The following SMG1 variants were observed in gnomAD, a reference collection of about 807,000 sequenced individuals.
SMG1 encodes serine/threonine-protein kinase SMG1.
A neutral mutation model predicts 419.9 loss-of-function variants in SMG1; 22 were observed. The ratio of observed to expected loss-of-function variants is 0.05; its 90% CI spans 0.04 to 0.07. The LOEUF (loss-of-function observed/expected upper bound fraction) is 0.07. SMG1 is among the 10% of genes least tolerant of loss of function. The probability of loss-of-function intolerance (pLI) is 1.00; values close to 1 mark genes in which losing one functional copy is unlikely to be tolerated. For missense variants in SMG1, 3,185 were observed against 4,342.0 expected, an observed-to-expected ratio of 0.73 and a Z score of 7.49; for synonymous variants, 1,538 against 1,553.5, an observed-to-expected ratio of 0.99 and a Z score of 0.23.
intron 39 of SMG1, among the ~76,000 whole-genome samples, chr16:18,844,008 T>TACACACACACAC (rs71141072): frequency 6.6e-6 from 1 of 150,720 alleles, no homozygotes; most frequent in African/African-American, 2.4e-5. Flanking sequence ...TCTATGATTA[T>TACACACACACAC]ACACACACAC....
chr16:18,837,763 A>T (rs921102327), intron 45 of SMG1, among the ~76,000 whole-genome samples: 4 of 152,204 alleles, frequency 2.6e-5, no homozygotes, highest in African/African-American at 9.7e-5. Flanking sequence ...ACATTTCAAT[A>T]ATTAAGAAAT....
intron 4 of SMG1, among the ~76,000 whole-genome samples, chr16:18,891,691 C>G (rs1358203027): frequency 1.3e-5 from 2 of 152,228 alleles, no homozygotes; most frequent in Non-Finnish European, 2.9e-5. Flanking sequence ...GCCTTGGCCT[C>G]CCAAAATGCT....
In SMG1 at chr16:18,850,264, A is replaced by G. The variant is rs750008580; in HGVS notation, c.5256T>C (p.Phe1752=). ...SLYKLSCSAY[F]TFLKLNAGQI... The stretch of plus-strand genomic sequence containing the variant: ...GACCAGCGTTGAGTTTAAGGAAAGT[A>G]AAGTATGCACTGCAAGAGAGTTTGT... The change falls in exon 34 of 63, where the codon TTT becomes TTC. Residue 1752 remains phenylalanine, a synonymous_variant. Coordinates refer to ENST00000446231, the MANE Select transcript of SMG1 (RefSeq NM_015092.5). 1.2e-6 allele frequency: 2 copies of G among 1,612,360 alleles called. No individual in the cohort carries two copies. The highest frequency in any genetic ancestry group is 2.2e-5 in the East Asian group (1 of 44,852).
Position 18,869,080 on chromosome 16 carries a change from C to T in SMG1, c.2833+24G>A, listed in dbSNP as rs765206348. On this transcript the variant is annotated intron_variant, in intron 20 of 62. Coordinates refer to ENST00000446231, the MANE Select transcript of SMG1 (RefSeq NM_015092.5). ...CTTAATAAGGCTTTGAAAGTATTCA[C>T]ATCACAAAGCTTGAGTGAGTTACCT... The T allele has an allele frequency of 3.2e-6, 5 of 1,577,222 alleles. No individual in the cohort carries two copies. In the Admixed American group the frequency reaches 6.7e-5, roughly 21 times the overall value.
chr16:18,828,638 G>T (rs1016303763), intron 54 of SMG1, among the ~76,000 whole-genome samples: 2 of 152,160 alleles, frequency 1.3e-5, no homozygotes, highest in Non-Finnish European at 2.9e-5. Context: ...AAGGCATCAA[G>T]GAAAGAGAAA....
intron 1 of SMG1, among the ~76,000 whole-genome samples, chr16:18,921,087 G>A (rs1003485961): frequency 1.3e-4 from 19 of 149,596 alleles, no homozygotes; most frequent in African/African-American, 4.7e-4. Context: ...CAAGTGAGCT[G>A]AGATTGTGCC....
chr16:18,849,498 A>G, intron 35 of SMG1, 120 bp from the exon 36 acceptor site: 1 of 942,740 alleles, frequency 1.1e-6, no homozygotes, highest in Non-Finnish European at 1.6e-6. Context: ...GGATTTTAAG[A>G]GTTCAAATTT....
At chr16:18,853,552 T>C in intron 31 of SMG1, 31 bp downstream of exon 31, 1 of 1,474,080 alleles carries the variant, frequency 6.8e-7, no homozygotes, top group Non-Finnish European at 9.0e-7. Flanking sequence ...CTTCTAAAAT[T>C]AATATTCTAA....
intron 1 of SMG1, among the ~76,000 whole-genome samples, chr16:18,897,839 T>C (rs577196606): frequency 6.6e-6 from 1 of 150,774 alleles, no homozygotes; most frequent in East Asian, 2.0e-4. Context: ...TATTATAGCA[T>C]ACGAAAAATC....
In SMG1 at chr16:18,871,441, A is replaced by G. The variant is rs766398549; in HGVS notation, c.2225T>C (p.Met742Thr). ...MTWALEAAVL[M>T]KKSETYAPLF... ...AGGTGCGTATGTTTCAGACTTCTTC[A>G]TTAAAACAGCTGCTTCCAAAGCCCA... Residue 742 changes from methionine (M) to threonine (T), a missense_variant, in exon 16 of 63, where the codon ATG (methionine) becomes ACG (threonine). Met to Thr is a moderately conservative substitution (Grantham distance 81). Coordinates refer to ENST00000446231, the MANE Select transcript of SMG1 (RefSeq NM_015092.5). 1.2e-6 allele frequency: 2 copies of G among 1,602,770 alleles called. No individual in the cohort carries two copies. The highest frequency in any genetic ancestry group is 1.7e-6 in the Non-Finnish European group (2 of 1,177,056).
chr16:18,827,970 T>C (rs1008445150), intron 55 of SMG1, 61 bp downstream of exon 55: 140 of 1,540,936 alleles, frequency 9.1e-5, no homozygotes, highest in Admixed American at 1.7e-4. Flanking sequence ...GCACTAACAA[T>C]CATAGTATTG....
chr16:18,851,260 T>C (rs896849706), intron 33 of SMG1, among the ~76,000 whole-genome samples: 1 of 152,268 alleles, frequency 6.6e-6, no homozygotes, highest in African/African-American at 2.4e-5. Context: ...CTTTGAGGAC[T>C]GCAACTAAAT....
In SMG1 at chr16:18,896,119, G is replaced by A. The variant is rs2037114320; in HGVS notation, c.345C>T (p.Ser115=). 1.9e-6 allele frequency: 3 copies of A among 1,589,930 alleles called. No homozygotes were observed. Residue 115 remains serine, a synonymous_variant, in exon 3 of 63, where the codon AGC becomes AGT. Transcript: ENST00000446231. Reference sequence around the variant, plus strand: ...CATGCTGAACACTGGTGAACTCAGGGCTGGTCACATTGTTAACCCTCAGCT... The same window carrying A: ...CATGCTGAACACTGGTGAACTCAGGACTGGTCACATTGTTAACCCTCAGCT... ...GQELRVNNVT[S]PEFTSVQHGS...
At chr16:18,814,289 C>T (rs2031774958) in intron 60 of SMG1, among the ~76,000 whole-genome samples, 1 of 151,536 alleles carries the variant, frequency 6.6e-6, no homozygotes, top group African/African-American at 2.4e-5. Context: ...AATGGAACTA[C>T]AAATTCTTCA....
At chr16:18,810,826 A>G (rs1308370678) in intron 62 of SMG1, among the ~76,000 whole-genome samples, 1 of 152,166 alleles carries the variant, frequency 6.6e-6, no homozygotes, top group African/African-American at 2.4e-5. Context: ...CACATGGTGA[A>G]GTTTAGGCAT....
intron 41 of SMG1, among the ~76,000 whole-genome samples, chr16:18,841,182 C>T (rs2033896653): frequency 6.6e-6 from 1 of 152,064 alleles, no homozygotes; most frequent in Non-Finnish European, 1.5e-5. Context: ...GGTGGATCAC[C>T]TGAGGCCAGG....
rs1363361741 is a variant in SMG1 at position 18,845,409 on chromosome 16, T to A, written c.6219+20A>T. 4 of 1,599,310 alleles carry A rather than the reference T, an allele frequency of 2.5e-6. No individual in the cohort carries two copies. The highest frequency in any genetic ancestry group is 1.3e-5 in the African/African-American group (1 of 74,554). On this transcript the variant is annotated intron_variant, in intron 39 of 62. Coordinates refer to ENST00000446231, the MANE Select transcript of SMG1 (RefSeq NM_015092.5). ...ACTGTGATGTGCCATTTCAGTAGCA[T>A]GCTTGGGATTATTCTGTACCTCTTT...
At chr16:18,860,172 T>C (rs2035139933) in intron 26 of SMG1, among the ~76,000 whole-genome samples, 1 of 152,146 alleles carries the variant, frequency 6.6e-6, no homozygotes, top group East Asian at 1.9e-4. Flanking sequence ...GAGCCGAGAT[T>C]GCGCCACTGC....
At chr16:18,817,222 T>C (rs1043092603) in intron 57 of SMG1, 69 bp downstream of exon 57, 39 of 1,308,742 alleles carry the variant, frequency 3.0e-5, no homozygotes, top group Non-Finnish European at 3.8e-5. Flanking sequence ...TCGGAATGTA[T>C]ATATTAAATT....
Sources: gnomAD v4.1 joint callset for allele counts (sites outside exome capture counted in the v4.1 genomes callset) on GRCh38, gnomAD v4.1.1 for gene constraint, MANE v1.5 for transcripts, NCBI Gene and HGNC (gene_info 2026-07-23, HGNC 2026-07-21) for gene names.